Variants in CFAP52 observed in about 807,000 individuals in gnomAD.
The protein encoded by CFAP52 is cilia- and flagella-associated protein 52.
Under a neutral mutation model 70.5 loss-of-function variants are expected in CFAP52, and 57 were observed. The ratio of observed to expected loss-of-function variants is 0.81; its 90% CI spans 0.65 to 1.01. CFAP52 has a LOEUF of 1.01. Ranked by LOEUF, CFAP52 falls within the 50% of genes least tolerant of loss-of-function variation. CFAP52 has a pLI of 0.00. For synonymous variants in CFAP52, 267 were observed against 292.5 expected (o/e 0.91, Z 0.89); for missense variants, 785 against 788.5 (o/e 1.00, Z 0.05).
At chr17:9,594,891 G>GA (rs1162783384) in intron 4 of CFAP52, among the ~76,000 whole-genome samples, 1,416 of 51,596 alleles carry the variant, frequency 0.027, 28 homozygotes, top group African/African-American at 0.092. Context: ...AAATTAGGGA[G>GA]GGTTTTTTTT....
chr17:9,639,756 T>G (rs1297340416), intron 12 of CFAP52, among the ~76,000 whole-genome samples: 1 of 152,108 alleles, frequency 6.6e-6, no homozygotes, highest in Non-Finnish European at 1.5e-5. Flanking sequence ...AAGGCCTCCT[T>G]AAGGAGCAGC....
chr17:9,600,961 A>G (rs544129500), intron 6 of CFAP52, among the ~76,000 whole-genome samples: 3 of 152,220 alleles, frequency 2.0e-5, no homozygotes, highest in African/African-American at 7.2e-5. Flanking sequence ...CAGTTCTGTG[A>G]AGAAAGTCAT....
In CFAP52 at chr17:9,643,224, G is replaced by T. The variant is rs1483135459; in HGVS notation, c.*26G>T. The T allele has an allele frequency of 2.6e-6, 4 of 1,562,000 alleles. No individual in the cohort carries two copies. The highest frequency in any genetic ancestry group is 3.5e-6 in the Non-Finnish European group (4 of 1,150,872). ...AGCTGATGAGATGTCTCTGAGCCTTGGCGTTGCACGCAGTCCTGTTGAAGA... is the reference window on the plus strand; with the variant it reads ...AGCTGATGAGATGTCTCTGAGCCTTTGCGTTGCACGCAGTCCTGTTGAAGA... On this transcript the variant is annotated 3_prime_UTR_variant, in exon 14 of 14. Coordinates refer to ENST00000352665, the MANE Select transcript of CFAP52 (RefSeq NM_145054.5).
intron 4 of CFAP52, among the ~76,000 whole-genome samples, chr17:9,596,343 C>T (rs779056604): frequency 1.3e-5 from 2 of 151,712 alleles, no homozygotes; most frequent in Non-Finnish European, 2.9e-5. Flanking sequence ...TCAGGCAATC[C>T]ACCTGCCTCG....
chr17:9,600,042 A>G, intron 5 of CFAP52, 25 bp from the exon 6 acceptor site: 4 of 1,608,988 alleles, frequency 2.5e-6, no homozygotes, highest in Non-Finnish European at 3.4e-6. Context: ...AGGCTGGCCA[A>G]GATTTCTTTT....
In CFAP52 at chr17:9,612,335, C is replaced by T; in HGVS notation, c.881C>T (p.Thr294Ile). ...IKKIQLQGGI[T>I]SITLRGEGHQ... ...AAGATTCAGTTACAAGGCGGCATCA[C>T]TTCTATCACACTTCGAGGAGAAGGA... Residue 294 changes from threonine to isoleucine, a missense_variant, in exon 8 of 14, where the codon ACT becomes ATT. Thr to Ile is a moderately conservative substitution (Grantham distance 89). Coordinates refer to ENST00000352665, the MANE Select transcript of CFAP52 (RefSeq NM_145054.5). The T allele has an allele frequency of 6.2e-7, 1 of 1,614,184 alleles. No individual in the cohort carries two copies. The highest frequency in any genetic ancestry group is 1.3e-5 in the African/African-American group (1 of 75,076).
intron 3 of CFAP52, chr17:9,590,017 G>C (rs1482974882): frequency 6.1e-6 from 1 of 162,854 alleles, no homozygotes; most frequent in Non-Finnish European, 1.3e-5. Flanking sequence ...GCCTGAGCCT[G>C]TTCAGCTGGG....
chr17:9,623,756 G>T (rs569539483), intron 8 of CFAP52, among the ~76,000 whole-genome samples: 2 of 152,022 alleles, frequency 1.3e-5, no homozygotes, highest in Non-Finnish European at 1.5e-5. Flanking sequence ...CCATTCACCC[G>T]CATGATCATA....
rs1911077382 is a variant in CFAP52, at chr17:9,641,831, C to T, written c.1683C>T (p.Val561=). ...TCACACAGGAAGGGGTGCACTTTGT[C>T]ACAGGTTAGTCCTGGGATAGGAAAA... ...MDITQEGVHF[V]TGGNDHLVKV... The change falls in exon 13 of 14, where the codon GTC becomes GTT. Residue 561 remains valine (V), a synonymous_variant. Transcript: ENST00000352665. The T allele has an allele frequency of 6.2e-7, 1 of 1,613,246 alleles. No homozygotes were observed. The highest frequency in any genetic ancestry group is 2.2e-5 in the East Asian group (1 of 44,840).
intron 1 of CFAP52, among the ~76,000 whole-genome samples, chr17:9,585,266 G>A (rs921095846): frequency 6.6e-6 from 1 of 151,988 alleles, no homozygotes; most frequent in Non-Finnish European, 1.5e-5. Context: ...GATCCCTCAG[G>A]GATTTTTATA....
chr17:9,615,293 TA>T (rs1443157136), intron 8 of CFAP52, among the ~76,000 whole-genome samples: 5 of 152,204 alleles, frequency 3.3e-5, no homozygotes, highest in African/African-American at 1.2e-4. Context: ...GGTGCAAAAA[TA>T]ATTGCAGTTT....
At position 9,636,251 on chromosome 17, in the gene CFAP52, GAGAA is replaced by G. The variant is rs762960984; in HGVS notation, c.1472+701_1472+704del. On this transcript the variant is annotated intron_variant, in intron 11 of 13. Coordinates refer to ENST00000352665, the MANE Select transcript of CFAP52 (RefSeq NM_145054.5). ...AGAAAGAAAGAAAGAAAGAAAGAAA[GAGAA>G]AGAAAAATAACTAATGCAGGCAGTG... Among the ~76,000 whole-genome samples, 61 of 97,712 alleles carry G rather than the reference GAGAA, an allele frequency of 6.2e-4. 3 individuals carry two copies. Among genetic ancestry groups the G allele is most frequent in the South Asian group, 2.3e-3 (5 of 2,202 alleles). 64.1% of individuals were successfully genotyped at this position (97,712 alleles called of 152,430 possible).
At chr17:9,588,665 C>T (rs1255724118) in intron 3 of CFAP52, among the ~76,000 whole-genome samples, 4 of 152,144 alleles carry the variant, frequency 2.6e-5, no homozygotes, top group African/African-American at 7.2e-5. Flanking sequence ...CTTTCAATTT[C>T]ACCCCATTCA....
chr17:9,635,707 C>A (rs553004947), intron 11 of CFAP52, 151 bp downstream of exon 11: 2 of 1,048,550 alleles, frequency 1.9e-6, no homozygotes, highest in African/African-American at 3.2e-5. Flanking sequence ...CCGTTCATGA[C>A]GGTCCATGGT....
In CFAP52 at chr17:9,643,431, A is replaced by C; in HGVS notation, c.*233A>C. 2.7e-6 allele frequency: 1 copy of C among 375,298 alleles called. No homozygotes were observed. Among genetic ancestry groups the C allele is most frequent in the Non-Finnish European group, 4.6e-6 (1 of 216,510 alleles). 23.2% of individuals were successfully genotyped at this position (375,298 alleles called of 1,614,324 possible). On this transcript the variant is annotated 3_prime_UTR_variant, in exon 14 of 14. Transcript: ENST00000352665. ...ATTAGAACTTTTAACATTTTGAATA[A>C]ATTCTTAGTTGTTGGTTTTCTGTTA...
intron 1 of CFAP52, among the ~76,000 whole-genome samples, chr17:9,582,079 A>G (rs1908252801): frequency 6.6e-6 from 1 of 152,166 alleles, no homozygotes; most frequent in African/African-American, 2.4e-5. Context: ...GCAACCAAGA[A>G]CCATAATTTT....
intron 12 of CFAP52, among the ~76,000 whole-genome samples, chr17:9,640,146 C>A (rs1174913524): frequency 1.3e-5 from 2 of 151,888 alleles, no homozygotes; most frequent in East Asian, 1.9e-4. Context: ...TGGAACACAG[C>A]ACGTTTCCGA....
chr17:9,632,919 C>T lies in CFAP52; in HGVS notation c.1206C>T (p.Ala402=), dbSNP rs1384569250. ...AWNDGKIRAF[A]PETGRLMYVI... ...ACGACGGTAAAATCCGAGCCTTCGCCCCAGAGACAGGCCGACTGATGTATG... is the reference window on the plus strand; with the variant it reads ...ACGACGGTAAAATCCGAGCCTTCGCTCCAGAGACAGGCCGACTGATGTATG... The change falls in exon 10 of 14, where the codon GCC becomes GCT. Residue 402 remains alanine (A), a synonymous_variant. Transcript: ENST00000352665. 6.2e-7 allele frequency: 1 copy of T among 1,614,178 alleles called. No individual in the cohort carries two copies. The highest frequency in any genetic ancestry group is 1.3e-5 in the African/African-American group (1 of 75,068).
In CFAP52 at chr17:9,594,334, G is replaced by A. The variant is rs776664378; in HGVS notation, c.536+13G>A. ...TGACTGCTGGAAAGTATGTGTCTGC[G>A]TTCGGAGTTTTCAGAACTCATAAAT... On this transcript the variant is annotated intron_variant, in intron 4 of 13. Transcript: ENST00000352665. 9 of 1,607,314 alleles carry A rather than the reference G, an allele frequency of 5.6e-6. No homozygotes were observed. Among genetic ancestry groups the A allele is most frequent in the East Asian group, 2.2e-5 (1 of 44,760 alleles).
Sources: allele counts gnomAD v4.1 joint callset (sites outside exome capture counted in the v4.1 genomes callset), GRCh38; gene constraint gnomAD v4.1.1; transcripts MANE v1.5; gene names NCBI Gene and HGNC (gene_info 2026-07-23, HGNC 2026-07-21).